Variants in ANKRD30B observed in about 807,000 individuals in gnomAD.
The protein encoded by ANKRD30B is ankyrin repeat domain-containing protein 30B.
A neutral mutation model predicts 202.2 loss-of-function variants in ANKRD30B; 144 were observed. The ratio of observed to expected loss-of-function variants is 0.71; its 90% CI spans 0.62 to 0.82. ANKRD30B has a LOEUF of 0.82. ANKRD30B is among the 40% of genes least tolerant of loss of function. The pLI, the probability that ANKRD30B is intolerant of heterozygous loss-of-function variation, is 0.00. For synonymous variants in ANKRD30B, 508 were observed against 561.3 expected (o/e 0.91, Z 1.34); for missense variants, 1,487 against 1,669.1 (o/e 0.89, Z 1.90).
intron 20 of ANKRD30B, 61 bp downstream of exon 20, chr18:14,797,915 A>G (rs9945819): frequency 0.52 from 710,002 of 1,367,096 alleles, 187,506 homozygotes; most frequent in African/African-American, 0.71. Flanking sequence ...TTGAAATGCC[A>G]AGAGCCTTTT....
rs1257354451 is a variant in ANKRD30B at position 14,748,313 on chromosome 18, C to T, written c.-107C>T. On this transcript the variant is annotated 5_prime_UTR_variant, in exon 1 of 44. Coordinates refer to ENST00000690538, the MANE Select transcript of ANKRD30B (RefSeq NM_001367607.2). ...GGAACTGAAGACGGGCGAGTGCGAG[C>T]CGGGGGCGGGTGCTGGGGAAGGGTA... The T allele has an allele frequency of 1.1e-6, 1 of 933,268 alleles. No individual in the cohort carries two copies. Among genetic ancestry groups the T allele is most frequent in the East Asian group, 2.9e-5 (1 of 34,858 alleles). The allele number at this position is 933,268 out of a possible 1,614,324, so 57.8% of individuals were successfully genotyped here.
At chr18:14,769,435 C>A in intron 8 of ANKRD30B, 62 bp downstream of exon 8, 1 of 1,309,066 alleles carries the variant, frequency 7.6e-7, no homozygotes, top group South Asian at 1.3e-5. Context: ...GAAAAGAAAT[C>A]ACTATCTGCT....
intron 39 of ANKRD30B, 111 bp from the exon 40 acceptor site, chr18:14,848,605 G>A (rs1184051470): frequency 6.1e-6 from 5 of 815,960 alleles, no homozygotes; most frequent in Admixed American, 4.1e-5. Context: ...CCACATGGTA[G>A]GCAATCAATA....
chr18:14,798,359 A>G (rs1053488649), intron 20 of ANKRD30B, among the ~76,000 whole-genome samples: 8 of 152,142 alleles, frequency 5.3e-5, no homozygotes, highest in African/African-American at 1.9e-4. Flanking sequence ...AATACAGTAC[A>G]CAGGGATAAG....
rs58484757 is a variant in ANKRD30B at position 14,774,377 on chromosome 18, G to A, written c.1329+2149G>A. On this transcript the variant is annotated intron_variant, in intron 9 of 43. Transcript: ENST00000690538. ...CCTCCTCTTTCACCTTTTTAAAAAT[G>A]ATTTGCCCCAGACTTTTTTTCTCAC... 1.2e-3 allele frequency among the ~76,000 whole-genome samples: 181 copies of A among 152,128 alleles called. 1 individual carries two copies. Among genetic ancestry groups the A allele is most frequent in the African/African-American group, 4.2e-3 (175 of 41,520 alleles).
At chr18:14,759,914 T>G (rs1042455627) in intron 5 of ANKRD30B, among the ~76,000 whole-genome samples, 1 of 152,078 alleles carries the variant, frequency 6.6e-6, no homozygotes. Context: ...AAAATTAAAT[T>G]TATTTTTTGT....
chr18:14,887,249 C>A, the ANKRD30B span, among the ~76,000 whole-genome samples: 1 of 152,002 alleles, frequency 6.6e-6, no homozygotes, highest in Non-Finnish European at 1.5e-5. Context: ...ACATTCAGGG[C>A]CCCTTATTCC....
chr18:14,807,938 A>T lies in ANKRD30B; in HGVS notation c.2285-613A>T, dbSNP rs1170841475. On this transcript the variant is annotated intron_variant, in intron 24 of 43. Coordinates refer to ENST00000690538, the MANE Select transcript of ANKRD30B (RefSeq NM_001367607.2). ...CCCATAAATGTAAAAATACTCCTAT[A>T]TCACAGAGTATCAAAAATAAATATA... Among the ~76,000 whole-genome samples, 54 of 151,138 alleles carry T rather than the reference A, an allele frequency of 3.6e-4. 4 individuals are homozygous for T. Among genetic ancestry groups the T allele is most frequent in the African/African-American group, 1.3e-3 (53 of 40,960 alleles).
rs1195258840 is a variant in ANKRD30B at position 14,848,153 on chromosome 18, C to CT, written c.3182-554dup. On this transcript the variant is annotated intron_variant, in intron 39 of 43. Transcript: ENST00000690538. The stretch of plus-strand genomic sequence containing the variant: ...AAACATTCATAAGGTTTGCTTTCCA[C>CT]TTTTTTTTTCTGTTTTTCAGGGACT... 1.9e-4 allele frequency among the ~76,000 whole-genome samples: 29 copies of CT among 151,386 alleles called. No homozygotes were observed. The South Asian group carries it at 4.8e-3, about 25-fold the overall frequency.
chr18:14,794,296 A>C (rs549536737), intron 16 of ANKRD30B, among the ~76,000 whole-genome samples: 1,922 of 149,282 alleles, frequency 0.013, 30 homozygotes, highest in African/African-American at 0.035. Context: ...TTCAACCATA[A>C]ATAGGATTCC....
At chr18:14,858,417 A>G (rs2143308609), downstream of ANKRD30B, among the ~76,000 whole-genome samples, 2 of 86,332 alleles carry the variant, frequency 2.3e-5, no homozygotes, top group South Asian at 7.7e-4. Flanking sequence ...CTCACAACCC[A>G]GACAGGGTGG....
At chr18:14,882,273 T>C in the ANKRD30B span, among the ~76,000 whole-genome samples, 8 of 152,348 alleles carry the variant, frequency 5.3e-5, no homozygotes, top group East Asian at 1.5e-3. Context: ...CTCTTAGCAC[T>C]GCCTTTGCTG....
chr18:14,784,403 A>G, intron 13 of ANKRD30B, 39 bp downstream of exon 13: 1 of 1,612,562 alleles, frequency 6.2e-7, no homozygotes. Context: ...TGACTTATTA[A>G]CTATGTACTT....
chr18:14,769,976 A>G (rs1916862050), intron 8 of ANKRD30B, among the ~76,000 whole-genome samples: 1 of 152,218 alleles, frequency 6.6e-6, no homozygotes, highest in Admixed American at 6.5e-5. Context: ...CTTAGTGGAG[A>G]ATAGATATAG....
the ANKRD30B span, among the ~76,000 whole-genome samples, chr18:14,912,994 G>A: frequency 6.6e-6 from 1 of 152,188 alleles, no homozygotes; most frequent in African/African-American, 2.4e-5. Flanking sequence ...GCAATTGCTG[G>A]GTCCAAGCTT....
chr18:14,896,981 A>C, the ANKRD30B span, among the ~76,000 whole-genome samples: 26 of 144,542 alleles, frequency 1.8e-4, 3 homozygotes, highest in South Asian at 3.5e-3. Context: ...AAAAAAAAAA[A>C]CAGGAAAATA....
At chr18:14,839,514 A>G (rs1971324461) in intron 36 of ANKRD30B, among the ~76,000 whole-genome samples, 1 of 152,206 alleles carries the variant, frequency 6.6e-6, no homozygotes, top group Non-Finnish European at 1.5e-5. Flanking sequence ...TCATTTTTCT[A>G]AGGTGAAGAA....
chr18:14,931,641 G>A, the ANKRD30B span, among the ~76,000 whole-genome samples: 3 of 152,264 alleles, frequency 2.0e-5, no homozygotes, highest in Admixed American at 6.5e-5. Context: ...TGCTCCCTGC[G>A]CATGGAACAT....
the ANKRD30B span, among the ~76,000 whole-genome samples, chr18:14,868,748 A>G: frequency 2.0e-5 from 3 of 152,296 alleles, no homozygotes; most frequent in Non-Finnish European, 2.9e-5. Flanking sequence ...CCACCTGCCC[A>G]TGGTGTCACC....
Sources: gnomAD v4.1 joint callset for allele counts (sites outside exome capture counted in the v4.1 genomes callset) on GRCh38, gnomAD v4.1.1 for gene constraint, MANE v1.5 for transcripts, NCBI Gene and HGNC (gene_info 2026-07-23, HGNC 2026-07-21) for gene names.